EBF1: variants seen among roughly 807,000 people sequenced by gnomAD.
EBF1 encodes the protein transcription factor COE1.
EBF1 carries 10 observed loss-of-function variants against 68.4 expected under a neutral mutation model. That is an observed-to-expected ratio of 0.15 (90% confidence interval 0.09 to 0.25). EBF1 has a LOEUF of 0.25. Ranked by LOEUF, EBF1 falls within the 10% of genes least tolerant of loss-of-function variation. The probability of loss-of-function intolerance (pLI) is 1.00; values close to 1 mark genes in which losing one functional copy is unlikely to be tolerated. For missense variants in EBF1, 509 were observed against 794.4 expected (o/e 0.64, Z 4.32); for synonymous variants, 298 against 299.8 (o/e 0.99, Z 0.06).
intron 6 of EBF1, among the ~76,000 whole-genome samples, chr5:158,931,543 A>G (rs1334120933): frequency 6.6e-6 from 1 of 152,232 alleles, no homozygotes; most frequent in Non-Finnish European, 1.5e-5. Context: ...TGCAAACATC[A>G]GTATCATGGA....
chr5:158,918,006 C>T (rs534211226), intron 6 of EBF1, among the ~76,000 whole-genome samples: 11 of 152,260 alleles, frequency 7.2e-5, no homozygotes, highest in East Asian at 1.9e-4. Context: ...ACACTGAGGC[C>T]ATTGAAGACA....
intron 9 of EBF1, among the ~76,000 whole-genome samples, chr5:158,782,425 G>A (rs1477065136): frequency 1.3e-5 from 2 of 152,070 alleles, no homozygotes; most frequent in African/African-American, 4.8e-5. Flanking sequence ...TTGGGACGCT[G>A]AGGCAGAAGG....
chr5:159,099,390 C>T lies in EBF1; in HGVS notation c.89G>A (p.Trp30Ter), dbSNP rs1783236517. The T allele has an allele frequency of 6.3e-7, 1 of 1,599,720 alleles. No individual in the cohort carries two copies. The highest frequency in any genetic ancestry group is 1.4e-5 in the African/African-American group (1 of 73,178). ...GTCCAGCACCCCGGCGCCCTGCATC[C>T]ACGTCCGCACCGCGTTCATGCCGCT... ...LGSGMNAVRT[W>*]MQGAGVLDAN... The change falls in exon 1 of 16, where the codon TGG becomes TAG. Residue 30 changes from tryptophan (W) to a stop codon, truncating the protein, a stop_gained. Transcript: ENST00000313708. LOFTEE classifies it high-confidence loss of function.
rs143443140 is a variant in EBF1 at position 158,960,830 on chromosome 5, G to A, written c.554+112566C>T. 2.5e-3 allele frequency among the ~76,000 whole-genome samples: 384 copies of A among 152,292 alleles called. 2 individuals carry two copies. The highest frequency in any genetic ancestry group is 8.7e-3 in the African/African-American group (363 of 41,560). On this transcript the variant is annotated intron_variant, in intron 6 of 15. Transcript: ENST00000313708. ...GTCATCAGGATACCCAATCAGCCCC[G>A]GAAAGGCCTTGTATCAAGAAACTGA...
intron 6 of EBF1, among the ~76,000 whole-genome samples, chr5:159,022,154 G>T (rs548540330): frequency 6.7e-6 from 1 of 150,246 alleles, no homozygotes; most frequent in East Asian, 2.0e-4. Flanking sequence ...TGACTTCTTT[G>T]CAACAAGCAC....
intron 10 of EBF1, among the ~76,000 whole-genome samples, chr5:158,752,864 T>C (rs1401754273): frequency 4.6e-5 from 7 of 152,110 alleles, no homozygotes; most frequent in Non-Finnish European, 1.0e-4. Flanking sequence ...AGATTGTAAC[T>C]GTTTTATTGC....
Position 159,096,397 on chromosome 5 carries a change from T to A in EBF1, c.301A>T (p.Ser101Cys). Residue 101 changes from serine (S) to cysteine (C), a missense_variant, in exon 3 of 16, where the codon AGC becomes TGC. Physicochemically the swap from Ser to Cys is moderately radical, Grantham distance 112 (BLOSUM62 -1). Around this residue, in one of 3 missense-constraint regions of EBF1, gnomAD observed 230 missense variants for 467.7 expected, o/e 0.49. Coordinates refer to ENST00000313708, the MANE Select transcript of EBF1 (RefSeq NM_024007.5). ...TGAATTCCGTTATTGGTCTTTTCGC[T>A]GTTGGCTTCCTGGGTTGCATCAGGA... ...GFVEKEKEAN[S>C]EKTNNGIHYR... 6.2e-7 allele frequency: 1 copy of A among 1,613,630 alleles called. No homozygotes were observed. The highest frequency in any genetic ancestry group is 1.1e-5 in the South Asian group (1 of 90,926).
intron 10 of EBF1, among the ~76,000 whole-genome samples, chr5:158,746,514 C>T (rs895811480): frequency 2.6e-4 from 40 of 152,066 alleles, no homozygotes; most frequent in African/African-American, 9.4e-4. Flanking sequence ...TACCAGAAGC[C>T]CTTGTTCTTG....
At chr5:158,976,591 T>G (rs1756811838) in intron 6 of EBF1, among the ~76,000 whole-genome samples, 1 of 152,234 alleles carries the variant, frequency 6.6e-6, no homozygotes, top group Admixed American at 6.5e-5. Context: ...CTGGGACTGC[T>G]AAGGATTTCA....
chr5:158,766,279 A>G (rs1193261633), intron 10 of EBF1, among the ~76,000 whole-genome samples: 1 of 152,206 alleles, frequency 6.6e-6, no homozygotes, highest in African/African-American at 2.4e-5. Flanking sequence ...AGCACCATGC[A>G]TAGATTTAAA....
intron 10 of EBF1, among the ~76,000 whole-genome samples, chr5:158,733,766 A>G (rs1030813458): frequency 5.3e-5 from 8 of 152,194 alleles, no homozygotes; most frequent in Non-Finnish European, 1.0e-4. Context: ...CAATACAGGT[A>G]TTGAATATTA....
chr5:158,981,135 G>T (rs1306639595), intron 6 of EBF1, among the ~76,000 whole-genome samples: 1 of 151,710 alleles, frequency 6.6e-6, no homozygotes, highest in Admixed American at 6.6e-5. Flanking sequence ...TTCAGCAAGG[G>T]TAGCTAACCA....
At chr5:158,702,462 A>G (rs1408354817) in intron 15 of EBF1, among the ~76,000 whole-genome samples, 8 of 152,178 alleles carry the variant, frequency 5.3e-5, no homozygotes, top group African/African-American at 1.9e-4. Context: ...TCTCTGACAG[A>G]AGCTCAGAAA....
chr5:158,915,705 G>T (rs912456651), intron 6 of EBF1, among the ~76,000 whole-genome samples: 1 of 152,146 alleles, frequency 6.6e-6, no homozygotes, highest in Non-Finnish European at 1.5e-5. Flanking sequence ...CAGAGAAGGG[G>T]GTTAGTGCTA....
intron 6 of EBF1, among the ~76,000 whole-genome samples, chr5:159,034,363 G>A (rs1014849162): frequency 2.6e-5 from 4 of 152,124 alleles, no homozygotes; most frequent in African/African-American, 9.7e-5. Flanking sequence ...AATACTAAGT[G>A]AATTATTCAG....
chr5:158,796,799 T>C (rs1023698181), intron 8 of EBF1, among the ~76,000 whole-genome samples: 2 of 152,180 alleles, frequency 1.3e-5, no homozygotes, highest in African/African-American at 4.8e-5. Context: ...TAAATATGGG[T>C]GACTTTCTGG....
intron 4 of EBF1, among the ~76,000 whole-genome samples, chr5:159,088,075 T>C (rs1324130893): frequency 2.6e-5 from 4 of 152,222 alleles, no homozygotes; most frequent in African/African-American, 9.6e-5. Context: ...AAAAACTCAG[T>C]GTAATGAGGT....
At chr5:158,989,958 C>T (rs543448713) in intron 6 of EBF1, among the ~76,000 whole-genome samples, 53 of 151,956 alleles carry the variant, frequency 3.5e-4, no homozygotes, top group South Asian at 8.3e-4. Flanking sequence ...GAAAAGACAA[C>T]GAGAATACAA....
intron 8 of EBF1, among the ~76,000 whole-genome samples, chr5:158,811,343 A>G (rs1285491819): frequency 3.9e-5 from 6 of 152,216 alleles, no homozygotes; most frequent in Non-Finnish European, 1.5e-5. Flanking sequence ...TACATGCTCA[A>G]ATAGCAGGAG....
Sources: allele counts gnomAD v4.1 joint callset (sites outside exome capture counted in the v4.1 genomes callset), GRCh38; gene constraint gnomAD v4.1.1; regional missense constraint gnomAD v4.1.1; transcripts MANE v1.5; gene names NCBI Gene and HGNC (gene_info 2026-07-23, HGNC 2026-07-21).